Variants in TRIM66 observed in about 807,000 individuals in gnomAD.
The protein encoded by TRIM66 is tripartite motif-containing protein 66.
Under a neutral mutation model 148.2 loss-of-function variants are expected in TRIM66, and 99 were observed. The ratio of observed to expected loss-of-function variants is 0.67; its 90% confidence interval spans 0.57 to 0.79. The LOEUF (loss-of-function observed/expected upper bound fraction) is 0.79, where lower values mean the gene tolerates loss of function less well. TRIM66 is among the 30% of genes least tolerant of loss of function. The pLI is 0.00. For missense variants in TRIM66, 1,666 were observed against 1,697.9 expected, an observed-to-expected ratio of 0.98 and a Z score of 0.33; for synonymous variants, 616 against 635.9, an observed-to-expected ratio of 0.97 and a Z score of 0.47.
At position 8,620,188 on chromosome 11, in the gene TRIM66, A is replaced by T. The variant is rs2034072093; in HGVS notation, c.3673-64T>A. The T allele has an allele frequency of 2.0e-6, 3 of 1,465,630 alleles. No homozygotes were observed. In the South Asian group the frequency reaches 3.7e-5, roughly 18 times the overall value. The allele number at this position is 1,465,630 out of a possible 1,614,324, so 90.8% of individuals were successfully genotyped here. On this transcript the variant is annotated intron_variant, in intron 21 of 24. Coordinates refer to ENST00000646038, the MANE Select transcript of TRIM66 (RefSeq NM_001388022.1). ...GGTCTCACCTCAGTATGAACTAAAG[A>T]TGTTGACCCTGATAACTCCCTGGCT...
At chr11:8,664,461 G>A (rs1423281502) in intron 6 of TRIM66, among the ~76,000 whole-genome samples, 1 of 151,936 alleles carries the variant, frequency 6.6e-6, no homozygotes, top group African/African-American at 2.4e-5. Context: ...GACCTTACCG[G>A]GCAGTAGTTG....
At chr11:8,619,316 C>A in intron 23 of TRIM66, 67 bp downstream of exon 23, 1 of 1,336,560 alleles carries the variant, frequency 7.5e-7, no homozygotes, top group Non-Finnish European at 1.0e-6. Context: ...ACCTCCCAAC[C>A]CTACCCACCC....
chr11:8,654,106 C>T (rs1213640254), intron 6 of TRIM66, among the ~76,000 whole-genome samples: 1 of 152,188 alleles, frequency 6.6e-6, no homozygotes, highest in Non-Finnish European at 1.5e-5. Flanking sequence ...TGTAACATGG[C>T]CTCACGAGCA....
At chr11:8,650,480 G>A (rs373842734) in intron 7 of TRIM66, among the ~76,000 whole-genome samples, 3 of 140,152 alleles carry the variant, frequency 2.1e-5, no homozygotes, top group African/African-American at 7.7e-5. Context: ...AGGGAAGGAG[G>A]AAGGGAAGGA....
intron 6 of TRIM66, among the ~76,000 whole-genome samples, chr11:8,661,779 A>T (rs1259834178): frequency 6.6e-6 from 1 of 152,180 alleles, no homozygotes; most frequent in Non-Finnish European, 1.5e-5. Flanking sequence ...TGGCCTCCAC[A>T]GCACTCAACC....
At chr11:8,671,680 G>A (rs1180991321) in intron 6 of TRIM66, 106 bp downstream of exon 6, 1 of 639,070 alleles carries the variant, frequency 1.6e-6, no homozygotes. Flanking sequence ...AGTGTCCCTT[G>A]GGCATTTAAA....
In TRIM66 at chr11:8,638,891, A is replaced by G. The variant is rs1300489712; in HGVS notation, c.2149-76T>C. On this transcript the variant is annotated intron_variant, in intron 14 of 24. Transcript: ENST00000646038. ...AGCAGCAGCAGTGGCAGCAAAGGCT[A>G]GTGCTCACCCTGCCATGTGCATCAT... 4.8e-6 allele frequency: 7 copies of G among 1,455,354 alleles called. No individual in the cohort carries two copies. The African/African-American group carries it at 8.6e-5, about 18-fold the overall frequency. The allele number at this position is 1,455,354 out of a possible 1,614,324, so 90.2% of individuals were successfully genotyped here.
At chr11:8,648,201 G>A (rs2037039383) in intron 9 of TRIM66, 115 bp from the exon 10 acceptor site, 2 of 1,169,850 alleles carry the variant, frequency 1.7e-6, no homozygotes, top group South Asian at 2.9e-5. Flanking sequence ...AAGCTGTGAT[G>A]ACTTCTAGGG....
At chr11:8,659,338 T>G (rs11042026) in intron 6 of TRIM66, among the ~76,000 whole-genome samples, 19,209 of 151,970 alleles carry the variant, frequency 0.13, 1,335 homozygotes, top group East Asian at 0.25. Flanking sequence ...TCAGGGTAGT[T>G]GAGCATTAAT....
upstream of TRIM66, chr11:8,682,980 G>C (rs2039515351): frequency 2.0e-6 from 2 of 1,009,144 alleles, no homozygotes; most frequent in Non-Finnish European, 2.9e-6. Context: ...CGGGGCTCCC[G>C]GAGCCGTGTG....
chr11:8,639,675 T>C (rs948645356), intron 14 of TRIM66, among the ~76,000 whole-genome samples: 1 of 152,130 alleles, frequency 6.6e-6, no homozygotes, highest in Non-Finnish European at 1.5e-5. Context: ...CCAAACAACA[T>C]TGTTGGTAGG....
chr11:8,675,868 A>G (rs2039154137), intron 3 of TRIM66, among the ~76,000 whole-genome samples: 1 of 152,000 alleles, frequency 6.6e-6, no homozygotes, highest in Admixed American at 6.6e-5. Flanking sequence ...CCTCTCAAGT[A>G]GCTGGGATTA....
At chr11:8,649,628 C>A in intron 8 of TRIM66, 112 bp downstream of exon 8, 4 of 1,403,518 alleles carry the variant, frequency 2.8e-6, no homozygotes, top group Non-Finnish European at 3.8e-6. Context: ...TGAGACTGTC[C>A]CTACCTTCTC....
In TRIM66 at chr11:8,646,423, T is replaced by C. The variant is rs373595028; in HGVS notation, c.957+24A>G. On this transcript the variant is annotated intron_variant, in intron 11 of 24. Transcript: ENST00000646038. Reference sequence around the variant, plus strand: ...TATGGATGGTTTCTGAACCCAACCATCTGATCCATCTGTCTATACATACCT... The same window carrying C: ...TATGGATGGTTTCTGAACCCAACCACCTGATCCATCTGTCTATACATACCT... The C allele has an allele frequency of 4.8e-5, 74 of 1,542,914 alleles. No individual in the cohort carries two copies. In the Middle Eastern group the frequency reaches 1.0e-3, roughly 21 times the overall value.
chr11:8,662,276 C>G lies in TRIM66; in HGVS notation c.340+9510G>C, dbSNP rs567043777. Among the ~76,000 whole-genome samples, 4 of 152,318 alleles carry G rather than the reference C, an allele frequency of 2.6e-5. No individual in the cohort carries two copies. The South Asian group carries it at 8.3e-4, about 32-fold the overall frequency. ...CCTACAGCTGAGATCTCACCTCTGG[C>G]CTCCCATTCCCACCCAAGACCATTA... On this transcript the variant is annotated intron_variant, in intron 6 of 24. Coordinates refer to ENST00000646038, the MANE Select transcript of TRIM66 (RefSeq NM_001388022.1).
intron 15 of TRIM66, among the ~76,000 whole-genome samples, chr11:8,626,321 G>C (rs1284858814): frequency 6.6e-6 from 1 of 152,172 alleles, no homozygotes; most frequent in East Asian, 1.9e-4. Context: ...TCCAAAATCA[G>C]TGTCTTGAAC....
chr11:8,655,814 A>C (rs1404637403), intron 6 of TRIM66, among the ~76,000 whole-genome samples: 1 of 152,122 alleles, frequency 6.6e-6, no homozygotes. Context: ...AAAAAATTAA[A>C]AAAAAAATAT....
At chr11:8,676,845 G>T (rs1002372893) in intron 3 of TRIM66, among the ~76,000 whole-genome samples, 1 of 152,208 alleles carries the variant, frequency 6.6e-6, no homozygotes, top group African/African-American at 2.4e-5. Context: ...GCCTACAGGG[G>T]CTGGGCAATC....
intron 6 of TRIM66, among the ~76,000 whole-genome samples, chr11:8,661,083 G>C (rs1592174984): frequency 6.6e-6 from 1 of 152,334 alleles, no homozygotes. Context: ...GTCAAAGCTA[G>C]AGGATTTGGA....
Sources: allele counts gnomAD v4.1 joint callset (sites outside exome capture counted in the v4.1 genomes callset), GRCh38; gene constraint gnomAD v4.1.1; transcripts MANE v1.5; gene names NCBI Gene and HGNC (gene_info 2026-07-23, HGNC 2026-07-21).